Variants in ROBO1 observed in about 807,000 individuals in gnomAD.
The protein encoded by ROBO1 is roundabout guidance receptor 1, also known as roundabout homolog 1.
A neutral mutation model predicts 195.9 loss-of-function variants in ROBO1; 149 were observed. The ratio of observed to expected loss-of-function variants is 0.76; its 90% CI spans 0.67 to 0.87. The LOEUF (loss-of-function observed/expected upper bound fraction) is 0.87. Ranked by LOEUF, ROBO1 falls within the 40% of genes least tolerant of loss-of-function variation. ROBO1 has a pLI of 0.00. For missense variants in ROBO1, 1,933 were observed against 2,068.3 expected (o/e 0.93, Z 1.27); for synonymous variants, 816 against 733.2 (o/e 1.11, Z -1.82).
At chr3:79,549,420 C>G (rs1017592874) in intron 2 of ROBO1, among the ~76,000 whole-genome samples, 2 of 152,156 alleles carry the variant, frequency 1.3e-5, no homozygotes, top group African/African-American at 4.8e-5. Flanking sequence ...CTAGGGAGAT[C>G]TGGGTAATAC....
At chr3:78,666,584 C>T (rs970718713) in intron 14 of ROBO1, among the ~76,000 whole-genome samples, 4 of 152,164 alleles carry the variant, frequency 2.6e-5, no homozygotes, top group African/African-American at 4.8e-5. Flanking sequence ...CTCAGACTGC[C>T]TTAAGGCAGG....
chr3:79,761,522 T>G (rs1704697119), intron 1 of ROBO1, among the ~76,000 whole-genome samples: 1 of 152,158 alleles, frequency 6.6e-6, no homozygotes, highest in African/African-American at 2.4e-5. Flanking sequence ...GTTTCACTCA[T>G]TTTTGTGTCT....
chr3:79,616,466 T>G (rs1262268920), intron 1 of ROBO1, among the ~76,000 whole-genome samples: 4 of 152,144 alleles, frequency 2.6e-5, no homozygotes, highest in Admixed American at 2.0e-4. Context: ...GCCCACAATA[T>G]GGGACGGCCC....
At chr3:79,282,953 T>C (rs189703114) in intron 2 of ROBO1, among the ~76,000 whole-genome samples, 125 of 152,322 alleles carry the variant, frequency 8.2e-4, no homozygotes, top group South Asian at 2.7e-3. Flanking sequence ...GATTGGAATG[T>C]TTTTATATTA....
At chr3:79,703,881 A>C (rs748142563) in intron 1 of ROBO1, among the ~76,000 whole-genome samples, 1 of 152,004 alleles carries the variant, frequency 6.6e-6, no homozygotes, top group Non-Finnish European at 1.5e-5. Context: ...ATCACTGTTG[A>C]AAATTCCAAA....
chr3:79,560,687 A>C (rs2107708780), intron 2 of ROBO1, among the ~76,000 whole-genome samples: 1 of 151,858 alleles, frequency 6.6e-6, no homozygotes, highest in African/African-American at 2.4e-5. Context: ...ATTAGGCATT[A>C]GAATTATAAA....
intron 2 of ROBO1, among the ~76,000 whole-genome samples, chr3:79,538,073 C>T (rs1941938823): frequency 6.6e-6 from 1 of 152,076 alleles, no homozygotes; most frequent in African/African-American, 2.4e-5. Flanking sequence ...CTAAATATAG[C>T]CAATTTATTA....
At chr3:79,581,633 C>T (rs191324564) in intron 2 of ROBO1, among the ~76,000 whole-genome samples, 76 of 152,228 alleles carry the variant, frequency 5.0e-4, no homozygotes, top group Admixed American at 9.2e-4. Context: ...AACTAACATG[C>T]TATTTTTTCC....
chr3:79,735,206 G>A (rs1703329380), intron 1 of ROBO1, among the ~76,000 whole-genome samples: 1 of 152,130 alleles, frequency 6.6e-6, no homozygotes, highest in Non-Finnish European at 1.5e-5. Context: ...ATGCTTTAAG[G>A]CAACTTATTA....
intron 1 of ROBO1, among the ~76,000 whole-genome samples, chr3:79,608,831 G>A (rs1438918864): frequency 5.3e-5 from 8 of 151,772 alleles, no homozygotes; most frequent in South Asian, 2.1e-4. Flanking sequence ...TTGAATGTTC[G>A]TGTCCTCTCA....
At chr3:79,577,760 A>ACACAC (rs1560010007) in intron 2 of ROBO1, among the ~76,000 whole-genome samples, 1 of 148,312 alleles carries the variant, frequency 6.7e-6, no homozygotes, top group African/African-American at 2.5e-5. Context: ...ACACACACAC[A>ACACAC]AAATTGCTGG....
chr3:79,591,002 T>G (rs1424511354), intron 1 of ROBO1, among the ~76,000 whole-genome samples: 1 of 151,760 alleles, frequency 6.6e-6, no homozygotes, highest in Non-Finnish European at 1.5e-5. Flanking sequence ...ACTGAGATTT[T>G]AATAATAGAT....
rs538438786 is a variant in ROBO1 at position 79,671,959 on chromosome 3, A to C, written c.-50-81998T>G. Among the ~76,000 whole-genome samples the C allele has an allele frequency of 1.3e-4, 19 of 151,974 alleles. 1 individual carries two copies. Among genetic ancestry groups the C allele is most frequent in the Admixed American group, 6.6e-5 (1 of 15,224 alleles). ...GCTGGTCCCAACAACTGCGAATTGCAACCTAATCATGAAATCCTATTCCTC... is the reference window on the plus strand; with the variant it reads ...GCTGGTCCCAACAACTGCGAATTGCCACCTAATCATGAAATCCTATTCCTC... On this transcript the variant is annotated intron_variant, in intron 1 of 30. Coordinates refer to ENST00000464233, the MANE Select transcript of ROBO1 (RefSeq NM_002941.4).
At chr3:79,560,762 C>A (rs1056411491) in intron 2 of ROBO1, among the ~76,000 whole-genome samples, 2 of 151,710 alleles carry the variant, frequency 1.3e-5, no homozygotes, top group Admixed American at 6.6e-5. Context: ...ATATAACATG[C>A]CTTTTGCAAA....
chr3:79,462,564 A>G (rs950315071), intron 2 of ROBO1, among the ~76,000 whole-genome samples: 1 of 152,156 alleles, frequency 6.6e-6, no homozygotes, highest in Non-Finnish European at 1.5e-5. Flanking sequence ...CTAGACAATG[A>G]AGCACTTTTG....
chr3:79,413,510 G>A (rs1006252336), intron 2 of ROBO1, among the ~76,000 whole-genome samples: 3 of 152,164 alleles, frequency 2.0e-5, no homozygotes, highest in South Asian at 2.1e-4. Context: ...GGCAGCTGCC[G>A]GTAGACTTCA....
At chr3:79,043,259 A>G (rs1158646257) in intron 3 of ROBO1, among the ~76,000 whole-genome samples, 10 of 152,130 alleles carry the variant, frequency 6.6e-5, no homozygotes, top group African/African-American at 9.6e-5. Context: ...GACCCTAATA[A>G]GTCAATTTAA....
At chr3:78,620,732 A>C (rs1704402752) in intron 26 of ROBO1, among the ~76,000 whole-genome samples, 1 of 152,124 alleles carries the variant, frequency 6.6e-6, no homozygotes. Context: ...ATCATTTTAC[A>C]GGGGAGAATA....
chr3:79,022,428 A>G (rs951924345), intron 3 of ROBO1, among the ~76,000 whole-genome samples: 10 of 152,232 alleles, frequency 6.6e-5, no homozygotes, highest in African/African-American at 2.4e-4. Flanking sequence ...AGGTTAAATG[A>G]CATCCCAGTA....
Sources: allele counts gnomAD v4.1 joint callset (sites outside exome capture counted in the v4.1 genomes callset), GRCh38; gene constraint gnomAD v4.1.1; transcripts MANE v1.5; gene names NCBI Gene and HGNC (gene_info 2026-07-23, HGNC 2026-07-21).